LRP1B: variants seen among roughly 807,000 people sequenced by gnomAD.
The protein encoded by LRP1B is low-density lipoprotein receptor-related protein 1B.
A neutral mutation model predicts 556.6 loss-of-function variants in LRP1B; 217 were observed. That is an observed-to-expected ratio of 0.39 (90% CI 0.35 to 0.44). The LOEUF (loss-of-function observed/expected upper bound fraction) is 0.44, where lower values mean the gene tolerates loss of function less well. LRP1B is among the 20% of genes least tolerant of loss of function. The pLI, the probability that LRP1B is intolerant of heterozygous loss-of-function variation, is 1.00. For missense variants in LRP1B, 5,053 were observed against 5,620.8 expected (o/e 0.90, Z 3.23); for synonymous variants, 2,047 against 1,865.8 (o/e 1.10, Z -2.50).
intron 7 of LRP1B, among the ~76,000 whole-genome samples, chr2:141,099,280 G>T (rs1700401799): frequency 6.6e-6 from 1 of 151,656 alleles, no homozygotes. Context: ...ACTCTAAAAT[G>T]CAAGTAAAGC....
chr2:140,702,253 T>C lies in LRP1B; in HGVS notation c.6190A>G (p.Ile2064Val), dbSNP rs201696166. The part of the protein sequence containing the change: ...LYWCDARTDK[I>V]ERIDLETGGN... ...CCAGTCTCAAGGTCGATTCTCTCTA[T>C]CTTGTCTGTGCGAGCATCACACCAG... The change falls in exon 39 of 91, where the codon ATA (isoleucine) becomes GTA (valine). Residue 2064 changes from isoleucine to valine, a missense_variant. Physicochemically the swap from Ile to Val is conservative, Grantham distance 29. This residue lies in a region of LRP1B where 3,619 missense variants were observed against 3,931.9 expected (regional missense o/e 0.92). Coordinates refer to ENST00000389484, the MANE Select transcript of LRP1B (RefSeq NM_018557.3). The C allele has an allele frequency of 1.2e-6, 2 of 1,613,766 alleles. No homozygotes were observed. Among genetic ancestry groups the C allele is most frequent in the East Asian group, 2.2e-5 (1 of 44,876 alleles).
At chr2:140,236,544 C>A (rs1033548458) in intron 89 of LRP1B, among the ~76,000 whole-genome samples, 21 of 150,978 alleles carry the variant, frequency 1.4e-4, no homozygotes, top group African/African-American at 4.8e-4. Flanking sequence ...TATCATTTAG[C>A]TATTTCCCTT....
chr2:141,755,315 T>C (rs1428588167), intron 2 of LRP1B, among the ~76,000 whole-genome samples: 1 of 152,024 alleles, frequency 6.6e-6, no homozygotes, highest in African/African-American at 2.4e-5. Flanking sequence ...TATAAACCAA[T>C]ATCATAATAT....
chr2:140,788,497 A>T (rs2104979838), intron 32 of LRP1B, among the ~76,000 whole-genome samples: 1 of 152,306 alleles, frequency 6.6e-6, no homozygotes, highest in African/African-American at 2.4e-5. Flanking sequence ...TCACTTGCAA[A>T]GTCTCATGGC....
chr2:140,836,906 T>A (rs1691924337), intron 31 of LRP1B, among the ~76,000 whole-genome samples: 1 of 152,216 alleles, frequency 6.6e-6, no homozygotes, highest in Non-Finnish European at 1.5e-5. Context: ...GTTTGCCCCT[T>A]AGCATGAGCA....
chr2:142,056,776 A>G (rs1344980785), intron 1 of LRP1B, among the ~76,000 whole-genome samples: 1 of 152,106 alleles, frequency 6.6e-6, no homozygotes, highest in Admixed American at 6.6e-5. Context: ...ATAAAAATTA[A>G]TATGAGAGAA....
chr2:140,820,330 G>C (rs565798998), intron 31 of LRP1B, among the ~76,000 whole-genome samples: 1 of 152,194 alleles, frequency 6.6e-6, no homozygotes. Flanking sequence ...TGAGTATACT[G>C]CCTTTATCTT....
intron 2 of LRP1B, among the ~76,000 whole-genome samples, chr2:141,669,147 T>G (rs1367778869): frequency 6.6e-6 from 1 of 151,550 alleles, no homozygotes; most frequent in East Asian, 1.9e-4. Flanking sequence ...ATGACTATAT[T>G]TGGAGATAGG....
intron 3 of LRP1B, among the ~76,000 whole-genome samples, chr2:141,318,522 T>C (rs1460546318): frequency 1.3e-5 from 2 of 152,166 alleles, no homozygotes; most frequent in African/African-American, 2.4e-5. Context: ...TTTTAAAATA[T>C]GTACAGAAAT....
chr2:141,596,149 C>A (rs1687510900), intron 2 of LRP1B, among the ~76,000 whole-genome samples: 1 of 151,742 alleles, frequency 6.6e-6, no homozygotes, highest in Non-Finnish European at 1.5e-5. Context: ...TAGATACTAC[C>A]CTAGCTACTC....
At chr2:141,184,959 T>TA (rs1186160065) in intron 7 of LRP1B, among the ~76,000 whole-genome samples, 1 of 152,136 alleles carries the variant, frequency 6.6e-6, no homozygotes, top group East Asian at 1.9e-4. Flanking sequence ...GAAGGATTTG[T>TA]AGTAGAAAGA....
Position 140,868,087 on chromosome 2 carries a change from G to A in LRP1B, c.4334+12C>T, listed in dbSNP as rs746228393. On this transcript the variant is annotated intron_variant, in intron 26 of 90. Coordinates refer to ENST00000389484, the MANE Select transcript of LRP1B (RefSeq NM_018557.3). ...AAAAAAAAAAATACAGAAAAGAGAT[G>A]ATTTTTTAAACCTGGCGTCTGTCCA... The A allele has an allele frequency of 2.5e-6, 4 of 1,571,868 alleles. No homozygotes were observed. Among genetic ancestry groups the A allele is most frequent in the South Asian group, 1.2e-5 (1 of 83,378 alleles).
In LRP1B at chr2:140,450,664, TAAAA is replaced by T. The variant is rs967103248; in HGVS notation, c.9964-7_9964-4del. The T allele has an allele frequency of 1.9e-6, 3 of 1,593,562 alleles. No homozygotes were observed. Among genetic ancestry groups the T allele is most frequent in the Non-Finnish European group, 2.6e-6 (3 of 1,171,072 alleles). On this transcript the variant is annotated splice_region_variant and splice_polypyrimidine_tract_variant and intron_variant, in intron 62 of 90. Transcript: ENST00000389484. ...CATTTGTCAGTTTTGCAACGAAACTTAAAAAAGAAAAAAAGAAAAAAAAATGTTG... is the reference window on the plus strand; with the variant it reads ...CATTTGTCAGTTTTGCAACGAAACTTAAGAAAAAAAGAAAAAAAAATGTTG...
intron 1 of LRP1B, among the ~76,000 whole-genome samples, chr2:142,020,568 C>T (rs1703297185): frequency 1.3e-5 from 2 of 152,070 alleles, no homozygotes; most frequent in Admixed American, 1.3e-4. Flanking sequence ...TCTCCTGAAT[C>T]ATTCATCATG....
At chr2:140,991,648 A>G (rs1024187763) in intron 16 of LRP1B, among the ~76,000 whole-genome samples, 6 of 152,122 alleles carry the variant, frequency 3.9e-5, no homozygotes, top group Non-Finnish European at 7.4e-5. Context: ...GTAAGCAAAT[A>G]ATTTCAATTT....
rs554877176 is a variant in LRP1B, at chr2:141,736,402, C to T, written c.205+73877G>A. On this transcript the variant is annotated intron_variant, in intron 2 of 90. Coordinates refer to ENST00000389484, the MANE Select transcript of LRP1B (RefSeq NM_018557.3). ...ATTAAGATGAGGTCATTCGAGTTGA[C>T]CCTAATTCAGTATGACCAGTGCCCT... is the stretch of plus-strand genomic sequence containing the variant. 3.3e-5 allele frequency among the ~76,000 whole-genome samples: 5 copies of T among 152,198 alleles called. No homozygotes were observed. In the South Asian group the frequency reaches 1.0e-3, roughly 32 times the overall value.
chr2:141,106,945 T>A (rs914500419), intron 7 of LRP1B, among the ~76,000 whole-genome samples: 1 of 152,176 alleles, frequency 6.6e-6, no homozygotes, highest in African/African-American at 2.4e-5. Context: ...GAATGAGAGT[T>A]GTTTTGTGAA....
chr2:140,829,118 C>T (rs2087023), intron 31 of LRP1B, among the ~76,000 whole-genome samples: 5,629 of 151,680 alleles, frequency 0.037, 344 homozygotes, highest in African/African-American at 0.13. Context: ...ACCAAGGCAC[C>T]GAAATATATA....
At chr2:141,245,923 T>A (rs1214755065) in intron 5 of LRP1B, among the ~76,000 whole-genome samples, 2 of 152,190 alleles carry the variant, frequency 1.3e-5, no homozygotes, top group African/African-American at 4.8e-5. Context: ...TTCCTCTTTT[T>A]TCCACAAATA....
Sources: gnomAD v4.1 joint callset for allele counts (sites outside exome capture counted in the v4.1 genomes callset) on GRCh38, gnomAD v4.1.1 for gene constraint, gnomAD v4.1.1 regional missense constraint, MANE v1.5 for transcripts, NCBI Gene and HGNC (gene_info 2026-07-23, HGNC 2026-07-21) for gene names.